The following RAB2A variants were observed in gnomAD, a reference collection of about 807,000 sequenced individuals.
RAB2A encodes the protein RAB2A, member RAS oncogene family, also known as ras-related protein Rab-2A.
Under a neutral mutation model 32.5 loss-of-function variants are expected in RAB2A, and 7 were observed. The ratio of observed to expected loss-of-function variants is 0.22; its 90% CI spans 0.12 to 0.40. RAB2A has a LOEUF of 0.40. RAB2A is among the 10% of genes least tolerant of loss of function. The probability of loss-of-function intolerance (pLI) is 1.00; values close to 1 mark genes in which losing one functional copy is unlikely to be tolerated. For synonymous variants in RAB2A, 79 were observed against 85.2 expected (o/e 0.93, Z 0.40); for missense variants, 108 against 260.7 (o/e 0.41, Z 4.03).
At chr8:60,531,687 T>C (rs1319409582) in intron 1 of RAB2A, among the ~76,000 whole-genome samples, 1 of 152,004 alleles carries the variant, frequency 6.6e-6, no homozygotes, top group East Asian at 1.9e-4. Flanking sequence ...TTCTTTTCCA[T>C]CTCAGATGTC....
chr8:60,576,601 A>G (rs7839008), intron 3 of RAB2A, among the ~76,000 whole-genome samples: 12,490 of 152,266 alleles, frequency 0.082, 1,560 homozygotes, highest in African/African-American at 0.27. Flanking sequence ...TCAGCAAATC[A>G]CAGGCATTTT....
At chr8:60,550,344 C>G (rs1807826736) in intron 1 of RAB2A, among the ~76,000 whole-genome samples, 1 of 152,030 alleles carries the variant, frequency 6.6e-6, no homozygotes, top group Non-Finnish European at 1.5e-5. Flanking sequence ...GTCACCATTT[C>G]TAGCCTTATT....
rs903768856 is a variant in RAB2A at position 60,623,277 on chromosome 8, T to G, written c.*2508T>G. 5.9e-5 allele frequency: 9 copies of G among 152,320 alleles called. 1 individual carries two copies. The East Asian group carries it at 7.7e-4, about 13-fold the overall frequency. The allele number at this position is 152,320 out of a possible 1,614,324, so 9.4% of individuals were successfully genotyped here. ...TTTAATGATATTTTAAAATAGCCTGTTAGCAGGAAAATAGTCCCTATTTAT... is the reference window on the plus strand; with the variant it reads ...TTTAATGATATTTTAAAATAGCCTGGTAGCAGGAAAATAGTCCCTATTTAT... On this transcript the variant is annotated 3_prime_UTR_variant, in exon 8 of 8. Transcript: ENST00000262646.
intron 3 of RAB2A, among the ~76,000 whole-genome samples, chr8:60,579,856 T>C (rs1478835520): frequency 6.6e-6 from 1 of 151,886 alleles, no homozygotes; most frequent in Non-Finnish European, 1.5e-5. Context: ...CTCGATCTCT[T>C]GACTTCGTAA....
At position 60,583,049 on chromosome 8, in the gene RAB2A, G is replaced by T. The variant is rs372489454; in HGVS notation, c.187-1159G>T. On this transcript the variant is annotated intron_variant, in intron 3 of 7. Transcript: ENST00000262646. ...TAGTCACATGCAGGGGGTGGGGGAT[G>T]GGGGAGGGAGGGAGTATAGAGGAAG... is the stretch of plus-strand genomic sequence containing the variant. Among the ~76,000 whole-genome samples, 5 of 152,020 alleles carry T rather than the reference G, an allele frequency of 3.3e-5. No homozygotes were observed. In the East Asian group the frequency reaches 9.7e-4, roughly 29 times the overall value.
Position 60,622,514 on chromosome 8 carries a change from C to G in RAB2A, c.*1745C>G, listed in dbSNP as rs1288930122. 6.6e-6 allele frequency: 1 copy of G among 152,212 alleles called. No homozygotes were observed. The highest frequency in any genetic ancestry group is 1.5e-5 in the Non-Finnish European group (1 of 68,040). The allele number at this position is 152,212 out of a possible 1,614,324, so 9.4% of individuals were successfully genotyped here. On this transcript the variant is annotated 3_prime_UTR_variant, in exon 8 of 8. Transcript: ENST00000262646. Reference sequence around the variant, plus strand: ...TCAAATTCACTGGTCTTACTAATCACTGTCTTTACCAGTGAGTACAAAAAG... The same window carrying G: ...TCAAATTCACTGGTCTTACTAATCAGTGTCTTTACCAGTGAGTACAAAAAG...
At chr8:60,538,770 A>G (rs1807594903) in intron 1 of RAB2A, among the ~76,000 whole-genome samples, 1 of 152,194 alleles carries the variant, frequency 6.6e-6, no homozygotes, top group African/African-American at 2.4e-5. Context: ...TGAAGCTGTC[A>G]TGCCCTGTGC....
chr8:60,614,789 G>A (rs1804421635), intron 6 of RAB2A, among the ~76,000 whole-genome samples: 2 of 152,166 alleles, frequency 1.3e-5, no homozygotes, highest in South Asian at 4.1e-4. Flanking sequence ...TGGAAAGCAA[G>A]AGAATGAATG....
intron 1 of RAB2A, among the ~76,000 whole-genome samples, chr8:60,517,614 G>A (rs572693453): frequency 1.3e-5 from 2 of 152,132 alleles, no homozygotes; most frequent in African/African-American, 4.8e-5. Context: ...GTCTCTTCGC[G>A]GCCCCAGGAA....
At chr8:60,584,637 G>T in intron 4 of RAB2A, 86 bp from the exon 5 acceptor site, 1 of 1,120,006 alleles carries the variant, frequency 8.9e-7, no homozygotes, top group South Asian at 1.5e-5. Context: ...GGCTAAAAGT[G>T]GTTCTCTTTA....
At chr8:60,548,541 G>T (rs1368749577) in intron 1 of RAB2A, among the ~76,000 whole-genome samples, 1 of 120,268 alleles carries the variant, frequency 8.3e-6, no homozygotes, top group African/African-American at 3.7e-5. Flanking sequence ...CCTCCCGGAC[G>T]GGGCGGCTGG....
intron 1 of RAB2A, among the ~76,000 whole-genome samples, chr8:60,518,057 A>G (rs549301326): frequency 1.4e-4 from 22 of 152,264 alleles, no homozygotes; most frequent in African/African-American, 4.8e-4. Flanking sequence ...CACAACTGCT[A>G]ATTTTCAGGT....
At chr8:60,530,664 G>T (rs974114000) in intron 1 of RAB2A, among the ~76,000 whole-genome samples, 1 of 151,996 alleles carries the variant, frequency 6.6e-6, no homozygotes, top group African/African-American at 2.4e-5. Context: ...TTCAATCTAG[G>T]AGTCTGTATT....
At chr8:60,598,146 C>T (rs1029308708) in intron 6 of RAB2A, among the ~76,000 whole-genome samples, 54 of 152,008 alleles carry the variant, frequency 3.6e-4, no homozygotes, top group Admixed American at 3.5e-3. Context: ...TGCAGTGAGC[C>T]GAGAGGCACC....
At chr8:60,582,601 A>G (rs1264588967) in intron 3 of RAB2A, among the ~76,000 whole-genome samples, 3 of 152,068 alleles carry the variant, frequency 2.0e-5, no homozygotes, top group African/African-American at 7.2e-5. Context: ...ATCTCCCTGC[A>G]GCCTCCTCAC....
At position 60,556,816 on chromosome 8, in the gene RAB2A, A is replaced by G. The variant is rs140834575; in HGVS notation, c.47-2036A>G. On this transcript the variant is annotated intron_variant, in intron 1 of 7. Transcript: ENST00000262646. ...TGGGAAAGGGTTTTCTGGTTCTTCT[A>G]TCACTTAAATGATTACCAAACTCTT... Among the ~76,000 whole-genome samples, 77 of 152,234 alleles carry G rather than the reference A, an allele frequency of 5.1e-4. 1 individual carries two copies. Among genetic ancestry groups the G allele is most frequent in the African/African-American group, 7.2e-5 (3 of 41,558 alleles).
chr8:60,565,676 ATTTTTTTTTTTTTTTTTTTTTT>A lies in RAB2A; in HGVS notation c.119-6339_119-6318del, dbSNP rs71252885. Among the ~76,000 whole-genome samples the A allele has an allele frequency of 9.2e-3, 903 of 97,684 alleles. 116 individuals are homozygous for A. Among genetic ancestry groups the A allele is most frequent in the African/African-American group, 0.032 (830 of 26,000 alleles). The allele number at this position is 97,684 out of a possible 152,430, so 64.1% of individuals were successfully genotyped here. ...AGCTCTGAAAAAGTCTCTGTAGCTG[ATTTTTTTTTTTTTTTTTTTTTT>A]TTTTTTTTTTTTTTTTTTTTTTTTT... On this transcript the variant is annotated intron_variant, in intron 2 of 7. Coordinates refer to ENST00000262646, the MANE Select transcript of RAB2A (RefSeq NM_002865.3).
At chr8:60,525,880 TTA>T (rs1392164904) in intron 1 of RAB2A, among the ~76,000 whole-genome samples, 2 of 149,702 alleles carry the variant, frequency 1.3e-5, no homozygotes, top group East Asian at 3.9e-4. Context: ...TTAAGGGCAC[TTA>T]TATATATATA....
chr8:60,538,151 TA>T (rs1807585592), intron 1 of RAB2A, among the ~76,000 whole-genome samples: 1 of 152,234 alleles, frequency 6.6e-6, no homozygotes, highest in Non-Finnish European at 1.5e-5. Flanking sequence ...ACTTATTCCC[TA>T]ATAAAATTAT....
Sources: allele counts gnomAD v4.1 joint callset (sites outside exome capture counted in the v4.1 genomes callset), GRCh38; gene constraint gnomAD v4.1.1; transcripts MANE v1.5; gene names NCBI Gene and HGNC (gene_info 2026-07-23, HGNC 2026-07-21).